The following PPM1H variants were observed in gnomAD, a reference collection of about 807,000 sequenced individuals.
PPM1H encodes the protein protein phosphatase, Mg2+/Mn2+ dependent 1H.
PPM1H carries 27 observed loss-of-function variants against 54.9 expected under a neutral mutation model. The observed-to-expected ratio is 0.49, with a 90% CI of 0.36 to 0.68. The LOEUF (loss-of-function observed/expected upper bound fraction) is 0.68, where lower values mean the gene tolerates loss of function less well. Ranked by LOEUF, PPM1H falls within the 30% of genes least tolerant of loss-of-function variation. PPM1H has a pLI of 0.00. For synonymous variants in PPM1H, 305 were observed against 270.8 expected (o/e 1.13, Z -1.24); for missense variants, 596 against 667.8 (o/e 0.89, Z 1.19).
intron 1 of PPM1H, among the ~76,000 whole-genome samples, chr12:62,891,104 CAAAAAAAAAA>C (rs71450596): frequency 2.6e-5 from 2 of 76,104 alleles, no homozygotes; most frequent in African/African-American, 1.0e-4. Flanking sequence ...GCAAGACTCT[CAAAAAAAAAA>C]AAAAAAAAAA....
chr12:62,812,075 C>T (rs2120779801), intron 2 of PPM1H, among the ~76,000 whole-genome samples: 1 of 152,328 alleles, frequency 6.6e-6, no homozygotes, highest in South Asian at 2.1e-4. Context: ...TTTCCCTCTC[C>T]CCAGTGTCAC....
chr12:62,701,766 G>A (rs1167789269), intron 6 of PPM1H, among the ~76,000 whole-genome samples: 1 of 151,804 alleles, frequency 6.6e-6, no homozygotes, highest in Non-Finnish European at 1.5e-5. Flanking sequence ...CTGGCTCCTG[G>A]ACATCACTTG....
intron 4 of PPM1H, among the ~76,000 whole-genome samples, chr12:62,777,104 G>A (rs1029065374): frequency 1.3e-5 from 2 of 152,198 alleles, no homozygotes; most frequent in Non-Finnish European, 2.9e-5. Flanking sequence ...ATGACACTGT[G>A]AAATAATAAA....
At chr12:62,828,969 G>A (rs185834398) in intron 2 of PPM1H, among the ~76,000 whole-genome samples, 10 of 151,640 alleles carry the variant, frequency 6.6e-5, no homozygotes, top group Non-Finnish European at 1.2e-4. Flanking sequence ...TGGTGAAGAC[G>A]TGGAGAAATA....
At chr12:62,677,203 TA>T (rs1038418886) in intron 8 of PPM1H, among the ~76,000 whole-genome samples, 3 of 152,220 alleles carry the variant, frequency 2.0e-5, no homozygotes, top group African/African-American at 7.2e-5. Flanking sequence ...TATCACTCAG[TA>T]AAGCACCTCT....
chr12:62,837,875 T>G (rs1868551033), intron 1 of PPM1H, among the ~76,000 whole-genome samples: 1 of 152,188 alleles, frequency 6.6e-6, no homozygotes, highest in African/African-American at 2.4e-5. Flanking sequence ...TCCCTCTGCC[T>G]CCCTCAGGAA....
intron 8 of PPM1H, among the ~76,000 whole-genome samples, chr12:62,669,978 T>G (rs893558520): frequency 3.0e-5 from 4 of 131,670 alleles, no homozygotes; most frequent in Non-Finnish European, 6.3e-5. Context: ...CCTTTTTTTT[T>G]TTTTTTTTTT....
At chr12:62,728,163 A>C (rs983866384) in intron 5 of PPM1H, among the ~76,000 whole-genome samples, 2 of 152,140 alleles carry the variant, frequency 1.3e-5, no homozygotes, top group African/African-American at 4.8e-5. Flanking sequence ...AAGCTTGATA[A>C]CCTCTGCCCT....
chr12:62,885,911 A>G (rs1870570742), intron 1 of PPM1H, among the ~76,000 whole-genome samples: 1 of 152,220 alleles, frequency 6.6e-6, no homozygotes, highest in Non-Finnish European at 1.5e-5. Flanking sequence ...TGCTTATAGT[A>G]ACATCAGGGC....
intron 1 of PPM1H, among the ~76,000 whole-genome samples, chr12:62,884,338 GA>G (rs67184820): frequency 0.5 from 70,640 of 139,928 alleles, 17,517 homozygotes; most frequent in Middle Eastern, 0.61. Flanking sequence ...GCACCAAAAT[GA>G]AAAAAAAAAA....
In PPM1H at chr12:62,729,861, G is replaced by T. The variant is rs76893003; in HGVS notation, c.954+7641C>A. Among the ~76,000 whole-genome samples the T allele has an allele frequency of 4.5e-3, 678 of 152,262 alleles. 5 individuals carry two copies. Among genetic ancestry groups the T allele is most frequent in the African/African-American group, 0.016 (652 of 41,534 alleles). On this transcript the variant is annotated intron_variant, in intron 5 of 9. Transcript: ENST00000228705. ...TATTTACCCATTCTACTTTCCAGGG[G>T]CATTCAGATAAGCCATCATATCCCC...
chr12:62,817,231 G>A (rs1360524614), intron 2 of PPM1H, among the ~76,000 whole-genome samples: 3 of 148,256 alleles, frequency 2.0e-5, no homozygotes, highest in Non-Finnish European at 4.5e-5. Context: ...GGGAGGCTGA[G>A]GCGGGCAGAT....
chr12:62,850,677 ATATT>A (rs1869147567), intron 1 of PPM1H: 1 of 148,354 alleles, frequency 6.7e-6, no homozygotes, highest in Non-Finnish European at 1.5e-5. Flanking sequence ...TATAAAATAT[ATATT>A]CTAGTAACAT....
chr12:62,725,350 G>A (rs778923990), intron 5 of PPM1H, among the ~76,000 whole-genome samples: 5 of 152,110 alleles, frequency 3.3e-5, no homozygotes, highest in Non-Finnish European at 7.4e-5. Flanking sequence ...ACTTCCCCTT[G>A]TCCCTCTCCC....
chr12:62,925,247 A>T (rs1871937769), intron 1 of PPM1H, among the ~76,000 whole-genome samples: 1 of 152,230 alleles, frequency 6.6e-6, no homozygotes, highest in Non-Finnish European at 1.5e-5. Flanking sequence ...TCATTACCCT[A>T]CCTGCCTAGA....
intron 1 of PPM1H, among the ~76,000 whole-genome samples, chr12:62,926,614 A>C (rs1871977544): frequency 6.6e-6 from 1 of 152,148 alleles, no homozygotes; most frequent in East Asian, 1.9e-4. Context: ...TAAATATGAA[A>C]CATTATCTCA....
intron 6 of PPM1H, 89 bp downstream of exon 6, chr12:62,720,082 A>T: frequency 8.5e-7 from 1 of 1,171,250 alleles, no homozygotes; most frequent in Non-Finnish European, 1.3e-6. Context: ...GTGCTTCCTG[A>T]TCCAAACTGT....
chr12:62,868,187 C>T (rs184112602), intron 1 of PPM1H, among the ~76,000 whole-genome samples: 19 of 152,308 alleles, frequency 1.2e-4, no homozygotes, highest in African/African-American at 4.6e-4. Context: ...CAGTTCAAGG[C>T]CAATCAGACT....
intron 1 of PPM1H, among the ~76,000 whole-genome samples, chr12:62,871,572 T>C (rs1205862725): frequency 6.7e-6 from 1 of 150,042 alleles, no homozygotes; most frequent in Non-Finnish European, 1.5e-5. Flanking sequence ...TGGAGGGTAC[T>C]GGTGCCATCT....
Sources: gnomAD v4.1 joint callset for allele counts (sites outside exome capture counted in the v4.1 genomes callset) on GRCh38, gnomAD v4.1.1 for gene constraint, MANE v1.5 for transcripts, NCBI Gene and HGNC (gene_info 2026-07-23, HGNC 2026-07-21) for gene names.